The following IL17C variants were observed in gnomAD, a reference collection of about 807,000 sequenced individuals.
IL17C encodes the protein interleukin-17C.
In IL17C, 13 loss-of-function variants were observed where a neutral mutation model predicts 11.0. The observed-to-expected ratio is 1.18, with a 90% CI of 0.77 to 1.88. The LOEUF is 1.88. Among genes scored for constraint, IL17C ranks in the 40% most tolerant of loss-of-function variants. The probability of loss-of-function intolerance (pLI) is 0.00; values close to 1 mark genes in which losing one functional copy is unlikely to be tolerated. For missense variants in IL17C, 357 were observed against 278.2 expected (o/e 1.28, Z -2.01); for synonymous variants, 150 against 125.8 (o/e 1.19, Z -1.29).
In IL17C at chr16:88,639,863, T is replaced by G. The variant is rs1907007101; in HGVS notation, c.385T>G (p.Cys129Gly). ...RYPQKLAFAE[C>G]LCRGCIDART... ...TCCACAGAAGCTGGCCTTCGCCGAGTGCCTGTGCAGAGGCTGTATCGATGC... is the reference window on the plus strand; with the variant it reads ...TCCACAGAAGCTGGCCTTCGCCGAGGGCCTGTGCAGAGGCTGTATCGATGC... The change falls in exon 3 of 3, where the codon TGC becomes GGC. Residue 129 changes from cysteine to glycine, a missense_variant. Cys to Gly is a radical substitution (Grantham distance 159). Coordinates refer to ENST00000244241, the MANE Select transcript of IL17C (RefSeq NM_013278.4). This position sits in a 1 kb window ranked among gnomAD's most constrained non-coding sequence, Gnocchi z 5.1. The G allele has an allele frequency of 6.3e-7, 1 of 1,599,846 alleles. No individual in the cohort carries two copies. Among genetic ancestry groups the G allele is most frequent in the African/African-American group, 1.3e-5 (1 of 74,726 alleles).
Position 88,640,068 on chromosome 16 carries a change from T to G in IL17C, c.590T>G (p.Val197Gly). ...VGCTCVLPRS[V>G] ...TGCACCTGCGTGCTGCCCCGTTCAG[T>G]GTGACCGCCGAGGCCGTGGGGCCCC... The change falls in exon 3 of 3, where the codon GTG (valine) becomes GGG (glycine). Residue 197 changes from valine to glycine, a missense_variant. Physicochemically the swap from Val to Gly is moderately radical, Grantham distance 109 (BLOSUM62 -3). Transcript: ENST00000244241. 1 of 1,549,598 alleles carries G rather than the reference T, an allele frequency of 6.5e-7. No homozygotes were observed. Among genetic ancestry groups the G allele is most frequent in the Non-Finnish European group, 8.7e-7 (1 of 1,145,550 alleles).
rs964993614 is a variant in IL17C, at chr16:88,640,030, C to T, written c.552C>T (p.His184=). 23 of 1,592,822 alleles carry T rather than the reference C, an allele frequency of 1.4e-5. No individual in the cohort carries two copies. Among genetic ancestry groups the T allele is most frequent in the South Asian group, 2.3e-5 (2 of 88,710 alleles). Residue 184 remains histidine, a synonymous_variant, in exon 3 of 3, where the codon CAC becomes CAT. Transcript: ENST00000244241. Reference sequence around the variant, plus strand: ...TTGCCTTCCACACCGAGTTCATCCACGTCCCCGTCGGCTGCACCTGCGTGC... The same window carrying T: ...TTGCCTTCCACACCGAGTTCATCCATGTCCCCGTCGGCTGCACCTGCGTGC... ...GAFAFHTEFI[H]VPVGCTCVLP...
Position 88,639,764 on chromosome 16 carries a change from C to G in IL17C, c.336-50C>G. On this transcript the variant is annotated intron_variant, in intron 2 of 2. Transcript: ENST00000244241. This position sits in a 1 kb window ranked among gnomAD's most constrained non-coding sequence, Gnocchi z 5.1. ...AGGGGCCCTGAGGGGAGAGGGGCCT[C>G]CAGGAGGACAGGGTAGGGCCAGAGA... The G allele has an allele frequency of 6.8e-7, 1 of 1,473,280 alleles. No homozygotes were observed. The highest frequency in any genetic ancestry group is 9.0e-7 in the Non-Finnish European group (1 of 1,109,602). The allele number at this position is 1,473,280 out of a possible 1,614,324, so 91.3% of individuals were successfully genotyped here.
Position 88,639,344 on chromosome 16 carries a change from T to TGCCCCTCCCCTGGCGGGGCC in IL17C, c.335+36_335+55dup. 2 of 1,509,856 alleles carry TGCCCCTCCCCTGGCGGGGCC rather than the reference T, an allele frequency of 1.3e-6. No individual in the cohort carries two copies. 93.5% of individuals were successfully genotyped at this position (1,509,856 alleles called of 1,614,324 possible). ...TGGGGATTCCGCTGTGGCGTGGGGC[T>TGCCCCTCCCCTGGCGGGGCC]GCCCCTCCCCTGGCGGGGCCCTGAC... On this transcript the variant is annotated intron_variant, in intron 2 of 2. Coordinates refer to ENST00000244241, the MANE Select transcript of IL17C (RefSeq NM_013278.4). The surrounding 1 kb of genome is among the most constrained non-coding windows in gnomAD (Gnocchi z 5.1).
chr16:88,639,926 C>A lies in IL17C; in HGVS notation c.448C>A (p.Arg150=), dbSNP rs371134109. The A allele has an allele frequency of 2.5e-6, 4 of 1,610,220 alleles. No individual in the cohort carries two copies. Among genetic ancestry groups the A allele is most frequent in the African/African-American group, 2.7e-5 (2 of 74,914 alleles). The change falls in exon 3 of 3, where the codon CGG becomes AGG. Residue 150 remains arginine, a synonymous_variant. Coordinates refer to ENST00000244241, the MANE Select transcript of IL17C (RefSeq NM_013278.4). This position sits in a 1 kb window ranked among gnomAD's most constrained non-coding sequence, Gnocchi z 5.1. Reference sequence around the variant, plus strand: ...CGAGACAGCTGCGCTCAACTCCGTGCGGCTGCTCCAGAGCCTGCTGGTGCT... The same window carrying A: ...CGAGACAGCTGCGCTCAACTCCGTGAGGCTGCTCCAGAGCCTGCTGGTGCT... The part of the protein sequence containing the change: ...GRETAALNSV[R]LLQSLLVLRR...
At position 88,639,308 on chromosome 16, in the gene IL17C, C is replaced by A. The variant is rs1267009833; in HGVS notation, c.334C>A (p.Arg112Ser). 7.6e-6 allele frequency: 12 copies of A among 1,587,810 alleles called. No homozygotes were observed. The highest frequency in any genetic ancestry group is 1.0e-5 in the Non-Finnish European group (12 of 1,166,730). Reference sequence around the variant, plus strand: ...GCGCTCCATCTCACCCTGGAGATACCGGTGAGGACCTGGGGATTCCGCTGT... The same window carrying A: ...GCGCTCCATCTCACCCTGGAGATACAGGTGAGGACCTGGGGATTCCGCTGT... ...HQRSISPWRY[R>S]VDTDEDRYPQ... Residue 112 changes from arginine to serine, a missense_variant and splice_region_variant, in exon 2 of 3, where the codon CGT becomes AGT. Transcript: ENST00000244241. This position sits in a 1 kb window ranked among gnomAD's most constrained non-coding sequence, Gnocchi z 5.1.
chr16:88,639,264 T>C lies in IL17C; in HGVS notation c.290T>C (p.Leu97Ser). 1 of 1,611,528 alleles carries C rather than the reference T, an allele frequency of 6.2e-7. No homozygotes were observed. The highest frequency in any genetic ancestry group is 1.1e-5 in the South Asian group (1 of 90,950). Residue 97 changes from leucine to serine, a missense_variant, in exon 2 of 3, where the codon TTG (leucine) becomes TCG (serine). Leu to Ser is a moderately radical substitution (Grantham distance 145). Coordinates refer to ENST00000244241, the MANE Select transcript of IL17C (RefSeq NM_013278.4). The surrounding 1 kb of genome is among the most constrained non-coding windows in gnomAD (Gnocchi z 5.1). Reference protein sequence around the residue: ...QCPVLRPEEVLEADTHQRSIS... With the variant: ...QCPVLRPEEVSEADTHQRSIS... ...CCGGTGCTGCGGCCGGAGGAGGTGT[T>C]GGAGGCAGACACCCACCAGCGCTCC...
chr16:88,638,741 T>A (rs1434683474), intron 1 of IL17C, 94 bp downstream of exon 1: 4 of 1,585,980 alleles, frequency 2.5e-6, no homozygotes, highest in Non-Finnish European at 3.5e-6. Flanking sequence ...GAGGAGGGTG[T>A]TGGGATGGGG....
chr16:88,638,654 C>G lies in IL17C; in HGVS notation c.6+7C>G, dbSNP rs944582141. The G allele has an allele frequency of 8.7e-6, 14 of 1,613,016 alleles. No individual in the cohort carries two copies. Among genetic ancestry groups the G allele is most frequent in the Non-Finnish European group, 1.1e-5 (13 of 1,180,022 alleles). On this transcript the variant is annotated splice_region_variant and intron_variant, in intron 1 of 2. Coordinates refer to ENST00000244241, the MANE Select transcript of IL17C (RefSeq NM_013278.4). ...CGCTGCCGCCACCATGACGGTGAGC[C>G]TCTCCACATGCCGCTCGGATGGATG...
In IL17C at chr16:88,638,976, A is replaced by G; in HGVS notation, c.7-5A>G. The stretch of plus-strand genomic sequence containing the variant: ...TCCTAACCACCCACCTGCCTGTTTC[A>G]CCAGCTCCTCCCCGGCCTCCTGTTT... On this transcript the variant is annotated splice_region_variant and splice_polypyrimidine_tract_variant and intron_variant, in intron 1 of 2. Transcript: ENST00000244241. 1.3e-6 allele frequency: 2 copies of G among 1,555,208 alleles called. No homozygotes were observed. Among genetic ancestry groups the G allele is most frequent in the Non-Finnish European group, 1.7e-6 (2 of 1,147,912 alleles).
rs1236894210 is a variant in IL17C at position 88,639,815 on chromosome 16, G to A, written c.337G>A (p.Val113Met). Residue 113 changes from valine (V) to methionine (M), a missense_variant and splice_region_variant, in exon 3 of 3, where the codon GTG becomes ATG. Physicochemically the swap from Val to Met is conservative, Grantham distance 21 (BLOSUM62 1). Coordinates refer to ENST00000244241, the MANE Select transcript of IL17C (RefSeq NM_013278.4). This position sits in a 1 kb window ranked among gnomAD's most constrained non-coding sequence, Gnocchi z 5.1. ...QRSISPWRYRVDTDEDRYPQK... is the reference protein window; with the variant it reads ...QRSISPWRYRMDTDEDRYPQK... ...CTCACTGTGCACCCCGTCCCGCAGT[G>A]TGGACACGGATGAGGACCGCTATCC... The A allele has an allele frequency of 1.3e-6, 2 of 1,555,654 alleles. No individual in the cohort carries two copies. The highest frequency in any genetic ancestry group is 2.7e-5 in the African/African-American group (2 of 73,746).
In IL17C at chr16:88,640,337, T is replaced by A; in HGVS notation, c.*265T>A. 1 of 440,452 alleles carries A rather than the reference T, an allele frequency of 2.3e-6. No homozygotes were observed. Among genetic ancestry groups the A allele is most frequent in the Non-Finnish European group, 4.0e-6 (1 of 248,848 alleles). The allele number at this position is 440,452 out of a possible 1,614,324, so 27.3% of individuals were successfully genotyped here. Reference sequence around the variant, plus strand: ...CTGCCTGTACCTTGGCTCCCTGTCCTGCTCCCGGCTTCCCTTACCCTATCA... The same window carrying A: ...CTGCCTGTACCTTGGCTCCCTGTCCAGCTCCCGGCTTCCCTTACCCTATCA... On this transcript the variant is annotated 3_prime_UTR_variant, in exon 3 of 3. Transcript: ENST00000244241.
At position 88,639,343 on chromosome 16, in the gene IL17C, C is replaced by T. The variant is rs751678004; in HGVS notation, c.335+34C>T. 1.5e-5 allele frequency: 23 copies of T among 1,509,908 alleles called. No individual in the cohort carries two copies. Among genetic ancestry groups the T allele is most frequent in the Non-Finnish European group, 2.0e-5 (23 of 1,127,940 alleles). The allele number at this position is 1,509,908 out of a possible 1,614,324, so 93.5% of individuals were successfully genotyped here. ...CTGGGGATTCCGCTGTGGCGTGGGG[C>T]TGCCCCTCCCCTGGCGGGGCCCTGA... is the stretch of plus-strand genomic sequence containing the variant. On this transcript the variant is annotated intron_variant, in intron 2 of 2. Coordinates refer to ENST00000244241, the MANE Select transcript of IL17C (RefSeq NM_013278.4). The surrounding 1 kb of genome is among the most constrained non-coding windows in gnomAD (Gnocchi z 5.1).
In IL17C at chr16:88,639,978, G is replaced by T; in HGVS notation, c.500G>T (p.Gly167Val). 6.2e-7 allele frequency: 1 copy of T among 1,609,572 alleles called. No individual in the cohort carries two copies. The highest frequency in any genetic ancestry group is 8.5e-7 in the Non-Finnish European group (1 of 1,178,258). ...VLRRRPCSRD[G>V]SGLPTPGAFA... The stretch of plus-strand genomic sequence containing the variant: ...CGCCGCCGGCCCTGCTCCCGCGACG[G>T]CTCGGGGCTCCCCACACCTGGGGCC... The change falls in exon 3 of 3, where the codon GGC (glycine) becomes GTC (valine). Residue 167 changes from glycine (G) to valine (V), a missense_variant. Transcript: ENST00000244241. This position sits in a 1 kb window ranked among gnomAD's most constrained non-coding sequence, Gnocchi z 5.1.
Position 88,640,135 on chromosome 16 carries a change from A to T in IL17C, c.*63A>T, listed in dbSNP as rs1190529577. On this transcript the variant is annotated 3_prime_UTR_variant, in exon 3 of 3. Coordinates refer to ENST00000244241, the MANE Select transcript of IL17C (RefSeq NM_013278.4). ...GCTCCCCAGAGGGCACCCCCTATTT[A>T]TGTGTATTTATTGTTATTTATATGC... 2.0e-6 allele frequency: 3 copies of T among 1,485,706 alleles called. No homozygotes were observed. The highest frequency in any genetic ancestry group is 2.7e-6 in the Non-Finnish European group (3 of 1,114,564). 92.0% of individuals were successfully genotyped at this position (1,485,706 alleles called of 1,614,324 possible).
chr16:88,639,053 C>T lies in IL17C; in HGVS notation c.79C>T (p.His27Tyr), dbSNP rs373456123. ...LAHHDPSLRG[H>Y]PHSHGTPHCY... is the part of the protein sequence containing the mutation. The stretch of plus-strand genomic sequence containing the variant: ...CCACCATGACCCCTCCCTCAGGGGG[C>T]ACCCCCACAGTCACGGTACCCCACA... Residue 27 changes from histidine (H) to tyrosine (Y), a missense_variant, in exon 2 of 3, where the codon CAC becomes TAC. Physicochemically the swap from His to Tyr is moderately conservative, Grantham distance 83. Transcript: ENST00000244241. This position sits in a 1 kb window ranked among gnomAD's most constrained non-coding sequence, Gnocchi z 5.1. 1.7e-5 allele frequency: 28 copies of T among 1,610,042 alleles called. No homozygotes were observed. The highest frequency in any genetic ancestry group is 2.2e-5 in the Non-Finnish European group (26 of 1,177,966).
In IL17C at chr16:88,639,994, A is replaced by G; in HGVS notation, c.516A>G (p.Thr172=). The change falls in exon 3 of 3, where the codon ACA becomes ACG. Residue 172 remains threonine (T), a synonymous_variant. Coordinates refer to ENST00000244241, the MANE Select transcript of IL17C (RefSeq NM_013278.4). The surrounding 1 kb of genome is among the most constrained non-coding windows in gnomAD (Gnocchi z 5.1). ...PCSRDGSGLP[T]PGAFAFHTEF... Reference sequence around the variant, plus strand: ...CCCGCGACGGCTCGGGGCTCCCCACACCTGGGGCCTTTGCCTTCCACACCG... The same window carrying G: ...CCCGCGACGGCTCGGGGCTCCCCACGCCTGGGGCCTTTGCCTTCCACACCG... 1 of 1,608,142 alleles carries G rather than the reference A, an allele frequency of 6.2e-7. No homozygotes were observed. Among genetic ancestry groups the G allele is most frequent in the Non-Finnish European group, 8.5e-7 (1 of 1,177,028 alleles).
rs761856937 is a variant in IL17C at position 88,639,344 on chromosome 16, T to C, written c.335+35T>C. 1 of 1,509,856 alleles carries C rather than the reference T, an allele frequency of 6.6e-7. No individual in the cohort carries two copies. The highest frequency in any genetic ancestry group is 1.4e-5 in the African/African-American group (1 of 72,840). 93.5% of individuals were successfully genotyped at this position (1,509,856 alleles called of 1,614,324 possible). A position where few individuals can be genotyped will look rare whatever the true frequency, so the allele number is the denominator to read the frequency against. ...TGGGGATTCCGCTGTGGCGTGGGGC[T>C]GCCCCTCCCCTGGCGGGGCCCTGAC... is the stretch of plus-strand genomic sequence containing the variant. On this transcript the variant is annotated intron_variant, in intron 2 of 2. Coordinates refer to ENST00000244241, the MANE Select transcript of IL17C (RefSeq NM_013278.4). This position sits in a 1 kb window ranked among gnomAD's most constrained non-coding sequence, Gnocchi z 5.1.
At position 88,639,229 on chromosome 16, in the gene IL17C, G is replaced by A. The variant is rs202087209; in HGVS notation, c.255G>A (p.Thr85=). 145 of 1,612,568 alleles carry A rather than the reference G, an allele frequency of 9.0e-5. No individual in the cohort carries two copies. Among genetic ancestry groups the A allele is most frequent in the Admixed American group, 2.3e-4 (14 of 60,004 alleles). The change falls in exon 2 of 3, where the codon ACG becomes ACA. Residue 85 remains threonine, a synonymous_variant. Transcript: ENST00000244241. The surrounding 1 kb of genome is among the most constrained non-coding windows in gnomAD (Gnocchi z 5.1). Reference sequence around the variant, plus strand: ...GGAGGCACGAGAGGCCCTCAGCTACGACCCAGTGCCCGGTGCTGCGGCCGG... The same window carrying A: ...GGAGGCACGAGAGGCCCTCAGCTACAACCCAGTGCCCGGTGCTGCGGCCGG... ...HRGRHERPSA[T]TQCPVLRPEE...
Sources: allele counts gnomAD v4.1 joint callset, GRCh38; gene constraint gnomAD v4.1.1; non-coding constraint Gnocchi (gnomAD v3.1); transcripts MANE v1.5; gene names NCBI Gene and HGNC (gene_info 2026-07-23, HGNC 2026-07-21).